Variants in HORMAD2 observed in about 807,000 individuals in gnomAD.
HORMAD2 encodes the protein HORMA domain containing 2.
Under a neutral mutation model 38.8 loss-of-function variants are expected in HORMAD2, and 45 were observed. The ratio of observed to expected loss-of-function variants is 1.16; its 90% confidence interval spans 0.91 to 1.49. HORMAD2 has a LOEUF of 1.49. HORMAD2 is among the 40% of genes most tolerant of loss of function. The probability of loss-of-function intolerance (pLI) is 0.00; values close to 1 mark genes in which losing one functional copy is unlikely to be tolerated. For synonymous variants in HORMAD2, 126 were observed against 122.8 expected (o/e 1.03, Z -0.17); for missense variants, 338 against 367.0 (o/e 0.92, Z 0.65).
the HORMAD2 span, among the ~76,000 whole-genome samples, chr22:30,192,696 T>C: frequency 6.6e-6 from 1 of 152,170 alleles, no homozygotes; most frequent in Admixed American, 6.5e-5. Context: ...CTTTTTCTAA[T>C]GTAAAGTTTT....
At chr22:30,143,959 A>G (rs1924249775) in intron 10 of HORMAD2, among the ~76,000 whole-genome samples, 1 of 152,068 alleles carries the variant, frequency 6.6e-6, no homozygotes, top group Non-Finnish European at 1.5e-5. Flanking sequence ...CATGATTGTA[A>G]ACTTCCTGAG....
chr22:30,159,081 C>T (rs1925285332), intron 10 of HORMAD2, among the ~76,000 whole-genome samples: 1 of 152,164 alleles, frequency 6.6e-6, no homozygotes, highest in Non-Finnish European at 1.5e-5. Flanking sequence ...AATTGGTGGA[C>T]ATCTGTAGCT....
intron 10 of HORMAD2, among the ~76,000 whole-genome samples, chr22:30,138,080 A>G (rs1158784863): frequency 6.6e-6 from 1 of 151,960 alleles, no homozygotes; most frequent in East Asian, 1.9e-4. Context: ...GTATTGTCTC[A>G]CTTTTTGATT....
chr22:30,137,072 A>G, intron 10 of HORMAD2: 2 of 381,170 alleles, frequency 5.2e-6, no homozygotes, highest in Non-Finnish European at 9.7e-6. Context: ...GTAAATAATC[A>G]TTGATAGTCT....
chr22:30,158,080 GA>G (rs34431460), intron 10 of HORMAD2, among the ~76,000 whole-genome samples: 3 of 148,906 alleles, frequency 2.0e-5, no homozygotes, highest in Non-Finnish European at 4.5e-5. Context: ...GTAGGGCAAA[GA>G]AAAAAAAAGA....
At chr22:30,132,756 A>G (rs1923375043) in intron 10 of HORMAD2, among the ~76,000 whole-genome samples, 1 of 152,194 alleles carries the variant, frequency 6.6e-6, no homozygotes, top group African/African-American at 2.4e-5. Flanking sequence ...CTTATAAGTC[A>G]TTTCTTTTTT....
chr22:30,105,851 G>A (rs1358033458), intron 5 of HORMAD2, among the ~76,000 whole-genome samples: 1 of 152,118 alleles, frequency 6.6e-6, no homozygotes, highest in Non-Finnish European at 1.5e-5. Context: ...ACCTTACAGT[G>A]TCTCTTTTGG....
At chr22:30,115,522 C>T (rs1921976585) in intron 7 of HORMAD2, among the ~76,000 whole-genome samples, 1 of 152,034 alleles carries the variant, frequency 6.6e-6, no homozygotes, top group Non-Finnish European at 1.5e-5. Flanking sequence ...AGGATGAAAT[C>T]CTAAGTAAGC....
chr22:30,160,711 A>C (rs527937277), intron 10 of HORMAD2, among the ~76,000 whole-genome samples: 1 of 152,342 alleles, frequency 6.6e-6, no homozygotes, highest in African/African-American at 2.4e-5. Flanking sequence ...TAGATACATA[A>C]AACTAACAAA....
the HORMAD2 span, among the ~76,000 whole-genome samples, chr22:30,182,161 A>G: frequency 0.027 from 4,104 of 152,280 alleles, 92 homozygotes; most frequent in Middle Eastern, 0.095. Context: ...CTGTTCGACA[A>G]TTTTAATGTT....
chr22:30,091,755 A>G (rs1298923413), intron 1 of HORMAD2, among the ~76,000 whole-genome samples: 1 of 152,124 alleles, frequency 6.6e-6, no homozygotes, highest in Non-Finnish European at 1.5e-5. Context: ...ATTTTTGAGG[A>G]CCTTCCATAC....
rs1269197788 is a variant in HORMAD2, at chr22:30,122,218, A to C, written c.819+4A>C. On this transcript the variant is annotated splice_donor_region_variant and intron_variant, in intron 10 of 10. Coordinates refer to ENST00000336726, the MANE Select transcript of HORMAD2 (RefSeq NM_152510.4). The stretch of plus-strand genomic sequence containing the variant: ...GGAAGAAGAATGCAATGACCATGTA[A>C]GGCAAAGCTTTAGAGATTTTCTATC... 6 of 1,604,342 alleles carry C rather than the reference A, an allele frequency of 3.7e-6. No individual in the cohort carries two copies. Among genetic ancestry groups the C allele is most frequent in the Non-Finnish European group, 5.1e-6 (6 of 1,174,978 alleles).
rs1448051238 is a variant in HORMAD2, at chr22:30,122,088, A to G, written c.693A>G (p.Lys231=). The G allele has an allele frequency of 1.2e-6, 2 of 1,613,716 alleles. No individual in the cohort carries two copies. The highest frequency in any genetic ancestry group is 1.7e-6 in the Non-Finnish European group (2 of 1,179,814). The change falls in exon 10 of 11, where the codon AAA becomes AAG. Residue 231 remains lysine (K), a synonymous_variant. Transcript: ENST00000336726. The part of the protein sequence containing the change: ...GFVSTGFHSM[K]VKVMTEATKV... The stretch of plus-strand genomic sequence containing the variant: ...TCTCCACTGGCTTTCATAGCATGAA[A>G]GTAAAAGTCATGACAGAGGCTACAA...
intron 10 of HORMAD2, among the ~76,000 whole-genome samples, chr22:30,161,289 T>C (rs11090600): frequency 0.1 from 15,375 of 152,278 alleles, 822 homozygotes; most frequent in South Asian, 0.18. Context: ...TTATGCTATG[T>C]TCCTCTCAAC....
downstream of HORMAD2, among the ~76,000 whole-genome samples, chr22:30,179,641 G>A (rs563589967): frequency 1.3e-5 from 2 of 152,268 alleles, no homozygotes; most frequent in Non-Finnish European, 2.9e-5. Flanking sequence ...TTTGCCGTCT[G>A]GGAGGAGCAA....
At chr22:30,128,160 G>A (rs986764179) in intron 10 of HORMAD2, among the ~76,000 whole-genome samples, 2 of 152,086 alleles carry the variant, frequency 1.3e-5, no homozygotes, top group Non-Finnish European at 2.9e-5. Context: ...AAATTATGTT[G>A]ATTTTGGCTC....
the HORMAD2 span, among the ~76,000 whole-genome samples, chr22:30,187,535 ATT>A: frequency 7.4e-6 from 1 of 135,362 alleles, no homozygotes; most frequent in African/African-American, 2.9e-5. Context: ...GTGTGTGTGT[ATT>A]TTTTTCCGTT....
intron 3 of HORMAD2, among the ~76,000 whole-genome samples, chr22:30,103,020 T>G (rs1920964681): frequency 6.6e-6 from 1 of 152,198 alleles, no homozygotes; most frequent in African/African-American, 2.4e-5. Flanking sequence ...ATAATCCGTG[T>G]GAAATTTTTT....
intron 7 of HORMAD2, among the ~76,000 whole-genome samples, chr22:30,114,462 A>G (rs1393200304): frequency 6.6e-6 from 1 of 152,240 alleles, no homozygotes; most frequent in Non-Finnish European, 1.5e-5. Flanking sequence ...GCTATTTAGC[A>G]TCAAGTCACT....
Sources: gnomAD v4.1 joint callset for allele counts (sites outside exome capture counted in the v4.1 genomes callset) on GRCh38, gnomAD v4.1.1 for gene constraint, MANE v1.5 for transcripts, NCBI Gene and HGNC (gene_info 2026-07-23, HGNC 2026-07-21) for gene names.